MBTPS2: variants seen among roughly 807,000 people sequenced by gnomAD.
MBTPS2 encodes membrane bound transcription factor peptidase, site 2.
In MBTPS2, 2 loss-of-function variants were observed where a neutral mutation model predicts 35.4. The observed-to-expected ratio is 0.06, with a 90% CI of 0.02 to 0.18. The LOEUF (loss-of-function observed/expected upper bound fraction) is 0.18, where lower values mean the gene tolerates loss of function less well. Among genes scored for constraint, MBTPS2 ranks in the 10% least tolerant of loss-of-function variants. The pLI is 1.00. For missense variants in MBTPS2, 244 were observed against 386.5 expected (o/e 0.63, Z 3.09); for synonymous variants, 125 against 140.4 (o/e 0.89, Z 0.77).
intron 6 of MBTPS2, 121 bp downstream of exon 6, chrX:21,868,706 A>C (rs1384048201): frequency 1.8e-6 from 1 of 560,139 alleles, no homozygotes. Flanking sequence ...TCTTCTGAAG[A>C]AATTACTGTA....
intron 3 of MBTPS2, among the ~76,000 whole-genome samples, chrX:21,850,116 G>C (rs148020961): frequency 9.3e-6 from 1 of 107,597 alleles, no homozygotes; most frequent in Non-Finnish European, 1.9e-5. Context: ...GCTCATCTAA[G>C]AATTTCTTCC....
intron 5 of MBTPS2, among the ~76,000 whole-genome samples, chrX:21,855,114 A>C (rs1171182199): frequency 8.9e-6 from 1 of 111,773 alleles, no homozygotes; most frequent in Non-Finnish European, 1.9e-5. Context: ...CGTAATTAGT[A>C]AGGATATAGG....
intron 5 of MBTPS2, among the ~76,000 whole-genome samples, chrX:21,864,951 G>A (rs1223262088): frequency 2.1e-5 from 2 of 96,163 alleles, no homozygotes; most frequent in Admixed American, 1.2e-4. Flanking sequence ...TACAATCACC[G>A]CTCACTGCAG....
chrX:21,855,453 A>G, intron 5 of MBTPS2, among the ~76,000 whole-genome samples: 1 of 110,126 alleles, frequency 9.1e-6, no homozygotes, highest in Middle Eastern at 4.7e-3. Context: ...TTCTTTTGAG[A>G]TGGAGTCTCG....
intron 5 of MBTPS2, among the ~76,000 whole-genome samples, chrX:21,859,205 C>A (rs1210715043): frequency 3.6e-5 from 4 of 110,488 alleles, no homozygotes; most frequent in Admixed American, 1.9e-4. Flanking sequence ...TCAAAATGTT[C>A]ATGTTTATAC....
At chrX:21,875,218 G>T (rs911132305) in intron 7 of MBTPS2, among the ~76,000 whole-genome samples, 2 of 111,922 alleles carry the variant, frequency 1.8e-5, no homozygotes, top group African/African-American at 3.2e-5. Context: ...TATTTGCTTT[G>T]GCTTGCCCAG....
chrX:21,866,922 G>A (rs1034579197), intron 5 of MBTPS2, among the ~76,000 whole-genome samples: 7 of 108,807 alleles, frequency 6.4e-5, no homozygotes, highest in African/African-American at 2.0e-4. Context: ...CCAGCTACTC[G>A]GGAGGCTGAG....
intron 5 of MBTPS2, chrX:21,858,046 T>C (rs2092925944): frequency 8.0e-6 from 1 of 125,532 alleles, no homozygotes; most frequent in Non-Finnish European, 1.8e-5. Context: ...CTATGTATGG[T>C]TTTTCTGGAG....
chrX:21,841,478 A>G (rs182827290), intron 1 of MBTPS2, among the ~76,000 whole-genome samples: 2 of 110,663 alleles, frequency 1.8e-5, no homozygotes, highest in Non-Finnish European at 3.8e-5. Context: ...GTCATAAGCA[A>G]TACAGGCCAC....
chrX:21,884,814 T>C lies in MBTPS2; in HGVS notation c.*2159T>C. 1.4e-6 allele frequency: 1 copy of C among 691,046 alleles called. No homozygotes were observed. Among genetic ancestry groups the C allele is most frequent in the Non-Finnish European group, 1.7e-6 (1 of 581,619 alleles). 56.9% of individuals were successfully genotyped at this position (691,046 alleles called of 1,213,427 possible). Reference sequence around the variant, plus strand: ...TTATGGATTAGAAAAAGCATGTTTCTATTTAAGTAAGCTGTAAAAAGTATT... The same window carrying C: ...TTATGGATTAGAAAAAGCATGTTTCCATTTAAGTAAGCTGTAAAAAGTATT... On this transcript the variant is annotated 3_prime_UTR_variant, in exon 11 of 11. Transcript: ENST00000379484.
chrX:21,878,327 G>C (rs746700627), intron 8 of MBTPS2, among the ~76,000 whole-genome samples, 170 bp from the exon 9 acceptor site: 2 of 111,559 alleles, frequency 1.8e-5, no homozygotes, highest in African/African-American at 6.5e-5. Context: ...TATCTTATTT[G>C]ACCCAAATGG....
intron 7 of MBTPS2, among the ~76,000 whole-genome samples, chrX:21,873,995 G>GTA (rs1307380580): frequency 0.038 from 2,495 of 66,364 alleles, 45 homozygotes; most frequent in African/African-American, 0.05. Context: ...GTGTGTGTGT[G>GTA]TGTGTGTATA....
chrX:21,851,681 C>A, intron 4 of MBTPS2, 69 bp downstream of exon 4: 1 of 689,472 alleles, frequency 1.5e-6, no homozygotes, highest in Non-Finnish European at 2.4e-6. Context: ...GGATTTATTA[C>A]TAAAATCTGC....
intron 7 of MBTPS2, among the ~76,000 whole-genome samples, chrX:21,877,042 A>G (rs1374105664): frequency 1.8e-5 from 2 of 112,177 alleles, no homozygotes; most frequent in Non-Finnish European, 3.8e-5. Flanking sequence ...GTTGGAATGC[A>G]GCAAACATTC....
chrX:21,877,753 T>C (rs1468643131), intron 7 of MBTPS2, among the ~76,000 whole-genome samples: 1 of 111,828 alleles, frequency 8.9e-6, no homozygotes, highest in Non-Finnish European at 1.9e-5. Flanking sequence ...GCCAGACTTA[T>C]TATTGTGAAA....
chrX:21,857,424 A>T (rs868784309), intron 5 of MBTPS2: 1 of 1,211,888 alleles, frequency 8.3e-7, no homozygotes, highest in Non-Finnish European at 1.1e-6. Flanking sequence ...CTTTCAGTGC[A>T]CATTCGAAGG....
chrX:21,871,787 A>G (rs1385155170), intron 7 of MBTPS2: 1 of 111,395 alleles, frequency 9.0e-6, no homozygotes, highest in Non-Finnish European at 1.9e-5. Context: ...TTTTCTGGTT[A>G]TATCTTATCC....
chrX:21,862,915 TAAAC>T (rs1442000715), intron 5 of MBTPS2, among the ~76,000 whole-genome samples: 2 of 54,392 alleles, frequency 3.7e-5, no homozygotes, highest in African/African-American at 5.5e-5. Flanking sequence ...TATAAATATA[TAAAC>T]ATATATATAT....
intron 5 of MBTPS2, chrX:21,858,837 C>T (rs1363228235): frequency 6.0e-5 from 6 of 100,789 alleles, no homozygotes; most frequent in African/African-American, 1.8e-4. Context: ...TGCGGTGAGC[C>T]GTGATCGAGC....
Sources: gnomAD v4.1 joint callset for allele counts (sites outside exome capture counted in the v4.1 genomes callset) on GRCh38, gnomAD v4.1.1 for gene constraint, MANE v1.5 for transcripts, NCBI Gene and HGNC (gene_info 2026-07-23, HGNC 2026-07-21) for gene names.